Variants in ERC2 observed in about 807,000 individuals in gnomAD.
ERC2 encodes ERC protein 2.
Under a neutral mutation model 114.8 loss-of-function variants are expected in ERC2, and 42 were observed. That is an observed-to-expected ratio of 0.37 (90% CI 0.29 to 0.47). The LOEUF (loss-of-function observed/expected upper bound fraction) is 0.47. Ranked by LOEUF, ERC2 falls within the 20% of genes least tolerant of loss-of-function variation. The pLI, the probability that ERC2 is intolerant of heterozygous loss-of-function variation, is 0.99. For missense variants in ERC2, 939 were observed against 1,150.7 expected (o/e 0.82, Z 2.66); for synonymous variants, 454 against 425.5 (o/e 1.07, Z -0.82).
chr3:55,790,472 TCCTACCGTTGACA>T (rs2069909495), intron 14 of ERC2, among the ~76,000 whole-genome samples: 1 of 152,016 alleles, frequency 6.6e-6, no homozygotes, highest in Non-Finnish European at 1.5e-5. Flanking sequence ...GTCAACAGAG[TCCTACCGTTGACA>T]CCAGCAATTC....
intron 3 of ERC2, among the ~76,000 whole-genome samples, chr3:56,197,208 T>C (rs2048160130): frequency 6.6e-6 from 1 of 152,156 alleles, no homozygotes; most frequent in South Asian, 2.1e-4. Context: ...TCTAGGTGTG[T>C]GGCCTCGGGC....
At chr3:56,077,523 G>A (rs886068526) in intron 7 of ERC2, among the ~76,000 whole-genome samples, 1 of 152,130 alleles carries the variant, frequency 6.6e-6, no homozygotes, top group Non-Finnish European at 1.5e-5. Flanking sequence ...TTAAAATTCT[G>A]CAAAACATTT....
chr3:56,195,380 T>C (rs1438836251), intron 3 of ERC2, among the ~76,000 whole-genome samples: 2 of 152,214 alleles, frequency 1.3e-5, no homozygotes, highest in African/African-American at 4.8e-5. Context: ...ATTTTCCATT[T>C]AATATTTTCT....
intron 14 of ERC2, among the ~76,000 whole-genome samples, chr3:55,818,842 A>G (rs1001095303): frequency 7.2e-5 from 11 of 152,246 alleles, no homozygotes; most frequent in African/African-American, 1.9e-4. Context: ...GGATTCAGAG[A>G]AGGAATACGT....
intron 3 of ERC2, among the ~76,000 whole-genome samples, chr3:56,272,348 C>A (rs910344050): frequency 4.6e-5 from 7 of 152,232 alleles, no homozygotes; most frequent in African/African-American, 1.7e-4. Context: ...CTAGAAGAGT[C>A]CCATTATCAG....
chr3:55,794,640 T>C (rs2070330883), intron 14 of ERC2, among the ~76,000 whole-genome samples: 2 of 152,230 alleles, frequency 1.3e-5, no homozygotes, highest in African/African-American at 4.8e-5. Flanking sequence ...ACGCATTTTG[T>C]CTTTCTCTTT....
intron 3 of ERC2, among the ~76,000 whole-genome samples, chr3:56,287,832 C>T (rs2054824160): frequency 6.6e-6 from 1 of 152,128 alleles, no homozygotes; most frequent in African/African-American, 2.4e-5. Flanking sequence ...CCTCAACTTC[C>T]CCACCTGAGA....
At position 56,403,986 on chromosome 3, in the gene ERC2, C is replaced by T. The variant is rs116200165; in HGVS notation, c.657+30365G>A. Among the ~76,000 whole-genome samples, 1,106 of 152,326 alleles carry T rather than the reference C, an allele frequency of 7.3e-3. 23 individuals carry two copies. Among genetic ancestry groups the T allele is most frequent in the African/African-American group, 0.025 (1,057 of 41,562 alleles). On this transcript the variant is annotated intron_variant, in intron 2 of 17. Coordinates refer to ENST00000288221, the MANE Select transcript of ERC2 (RefSeq NM_015576.3). The stretch of plus-strand genomic sequence containing the variant: ...TTGTCTACATTTGATAATTTCCCAT[C>T]GGCCACATCGCACCAGAGGTGCATA...
chr3:55,743,593 CAAAA>C (rs367859231), intron 14 of ERC2, among the ~76,000 whole-genome samples: 5 of 97,196 alleles, frequency 5.1e-5, no homozygotes, highest in African/African-American at 2.1e-4. Flanking sequence ...CCTGATCCAC[CAAAA>C]AAAAAAAAAA....
chr3:56,312,961 C>T (rs1430100899), intron 2 of ERC2, among the ~76,000 whole-genome samples: 2 of 133,676 alleles, frequency 1.5e-5, no homozygotes, highest in African/African-American at 5.5e-5. Context: ...TATATCCACA[C>T]AATGCCTATG....
intron 15 of ERC2, among the ~76,000 whole-genome samples, chr3:55,716,464 G>T (rs1444234987): frequency 6.6e-6 from 1 of 152,204 alleles, no homozygotes; most frequent in Non-Finnish European, 1.5e-5. Context: ...GGGATCAGAA[G>T]GCCTGAGCCA....
chr3:55,918,194 C>A (rs975212593), intron 13 of ERC2, among the ~76,000 whole-genome samples: 1 of 151,942 alleles, frequency 6.6e-6, no homozygotes, highest in Non-Finnish European at 1.5e-5. Flanking sequence ...GTCTTATGGC[C>A]ATTTCTAGCT....
intron 3 of ERC2, among the ~76,000 whole-genome samples, chr3:56,187,240 G>A: frequency 6.6e-6 from 1 of 152,134 alleles, no homozygotes; most frequent in East Asian, 1.9e-4. Context: ...AGTCATGAAA[G>A]GCACACTTCC....
At chr3:56,441,932 C>A (rs545680594) in intron 1 of ERC2, among the ~76,000 whole-genome samples, 65 of 152,274 alleles carry the variant, frequency 4.3e-4, no homozygotes, top group African/African-American at 1.5e-3. Flanking sequence ...CCACTGCTTG[C>A]GAGGCTAAGG....
intron 17 of ERC2, among the ~76,000 whole-genome samples, chr3:55,511,995 T>C (rs1008485954): frequency 4.6e-5 from 7 of 152,238 alleles, no homozygotes; most frequent in African/African-American, 1.7e-4. Flanking sequence ...CATTCACATA[T>C]GGCCTGTGAG....
intron 17 of ERC2, among the ~76,000 whole-genome samples, chr3:55,514,673 G>A (rs1354330277): frequency 6.6e-6 from 1 of 152,142 alleles, no homozygotes; most frequent in East Asian, 1.9e-4. Flanking sequence ...AGGGAACAGG[G>A]ACCACAGACC....
At chr3:55,618,364 T>A (rs1311291115) in intron 17 of ERC2, among the ~76,000 whole-genome samples, 1 of 152,180 alleles carries the variant, frequency 6.6e-6, no homozygotes, top group Non-Finnish European at 1.5e-5. Context: ...GCAACTTCCC[T>A]TTTAGGAATT....
intron 6 of ERC2, among the ~76,000 whole-genome samples, chr3:56,087,179 TTGTGTGTG>T (rs59471652): frequency 0.032 from 4,782 of 147,336 alleles, 175 homozygotes; most frequent in African/African-American, 0.09. Flanking sequence ...TTTGATCCAT[TTGTGTGTG>T]TGTGTGTGTG....
intron 12 of ERC2, among the ~76,000 whole-genome samples, chr3:55,982,381 C>T (rs977361588): frequency 2.6e-5 from 4 of 151,844 alleles, no homozygotes; most frequent in African/African-American, 9.7e-5. Context: ...CAATGTTCAA[C>T]TTTGATGAAC....
Sources: allele counts gnomAD v4.1 joint callset (sites outside exome capture counted in the v4.1 genomes callset), GRCh38; gene constraint gnomAD v4.1.1; transcripts MANE v1.5; gene names NCBI Gene and HGNC (gene_info 2026-07-23, HGNC 2026-07-21).